The following CRACD variants were observed in gnomAD, a reference collection of about 807,000 sequenced individuals.
CRACD encodes capping protein inhibiting regulator of actin dynamics.
CRACD carries 56 observed loss-of-function variants against 106.8 expected under a neutral mutation model. The ratio of observed to expected loss-of-function variants is 0.52; its 90% CI spans 0.42 to 0.66. The LOEUF (loss-of-function observed/expected upper bound fraction) is 0.66, where lower values mean the gene tolerates loss of function less well. Among genes scored for constraint, CRACD ranks in the 30% least tolerant of loss-of-function variants. CRACD has a pLI of 0.00. For missense variants in CRACD, 1,730 were observed against 1,623.2 expected (o/e 1.07, Z -1.13); for synonymous variants, 754 against 670.8 (o/e 1.12, Z -1.92).
At chr4:56,273,323 T>TCCTTCCTTCCTCCCTC (rs1742475820) in intron 3 of CRACD, among the ~76,000 whole-genome samples, 1 of 151,592 alleles carries the variant, frequency 6.6e-6, no homozygotes, top group Non-Finnish European at 1.5e-5. Context: ...CTTCCTTCCT[T>TCCTTCCTTCCTCCCTC]CCTTCCTTCC....
At chr4:56,233,657 C>T (rs1260281039) in intron 2 of CRACD, among the ~76,000 whole-genome samples, 3 of 152,078 alleles carry the variant, frequency 2.0e-5, no homozygotes, top group African/African-American at 7.2e-5. Flanking sequence ...TTTTGTTCAT[C>T]TTTTAAAAAC....
At chr4:56,248,708 A>G (rs1228180949) in intron 2 of CRACD, among the ~76,000 whole-genome samples, 10 of 142,570 alleles carry the variant, frequency 7.0e-5, no homozygotes, top group African/African-American at 1.8e-4. Context: ...TATATCTCCC[A>G]AAGCTATCCC....
intron 2 of CRACD, among the ~76,000 whole-genome samples, chr4:56,206,656 C>T (rs1738135312): frequency 6.6e-6 from 1 of 152,102 alleles, no homozygotes; most frequent in African/African-American, 2.4e-5. Flanking sequence ...AACGTGAGTC[C>T]ATTTTGGTTT....
intron 3 of CRACD, among the ~76,000 whole-genome samples, chr4:56,276,526 CATATA>C (rs1267577874): frequency 6.6e-6 from 1 of 152,104 alleles, no homozygotes; most frequent in Non-Finnish European, 1.5e-5. Flanking sequence ...TAGGTGAACT[CATATA>C]ATATTTACCA....
chr4:56,241,177 C>T (rs1028799458), intron 2 of CRACD, among the ~76,000 whole-genome samples: 3 of 152,174 alleles, frequency 2.0e-5, no homozygotes, highest in South Asian at 2.1e-4. Flanking sequence ...TTATTCAGTA[C>T]AGGGCTTGTG....
chr4:56,119,879 T>G (rs1734427603), intron 1 of CRACD, among the ~76,000 whole-genome samples: 1 of 152,176 alleles, frequency 6.6e-6, no homozygotes, highest in Non-Finnish European at 1.5e-5. Context: ...GCTCCATACT[T>G]TGTTGATGAC....
At chr4:56,093,788 G>T (rs1462524586) in intron 1 of CRACD, among the ~76,000 whole-genome samples, 1 of 152,154 alleles carries the variant, frequency 6.6e-6, no homozygotes, top group African/African-American at 2.4e-5. Flanking sequence ...TTCTGGCCCA[G>T]GGCAATTTTA....
At chr4:56,158,016 A>G (rs1735819666) in intron 1 of CRACD, among the ~76,000 whole-genome samples, 1 of 152,132 alleles carries the variant, frequency 6.6e-6, no homozygotes, top group Admixed American at 6.6e-5. Context: ...TTTTGCTGTT[A>G]TTTGGTTACA....
At chr4:56,073,681 T>C (rs1420699202) in intron 1 of CRACD, among the ~76,000 whole-genome samples, 1 of 152,216 alleles carries the variant, frequency 6.6e-6, no homozygotes, top group Non-Finnish European at 1.5e-5. Context: ...ATAGTTTCTT[T>C]TACTGTACAG....
At chr4:56,071,032 T>C (rs966235272) in intron 1 of CRACD, among the ~76,000 whole-genome samples, 12 of 152,328 alleles carry the variant, frequency 7.9e-5, no homozygotes, top group Non-Finnish European at 8.8e-5. Context: ...TTTGCCATCA[T>C]TGACTACCTT....
intron 1 of CRACD, among the ~76,000 whole-genome samples, chr4:56,065,263 T>C (rs895844957): frequency 3.9e-5 from 6 of 151,998 alleles, no homozygotes; most frequent in Admixed American, 3.9e-4. Flanking sequence ...AATTTTTGTA[T>C]TTTTAGTAGA....
At chr4:56,071,827 A>C (rs192294057) in intron 1 of CRACD, among the ~76,000 whole-genome samples, 219 of 151,490 alleles carry the variant, frequency 1.4e-3, no homozygotes, top group Non-Finnish European at 2.1e-3. Flanking sequence ...TTTTATACTT[A>C]TAAAAGTTTC....
At chr4:56,174,317 T>G (rs1736495416) in intron 1 of CRACD, among the ~76,000 whole-genome samples, 2 of 152,214 alleles carry the variant, frequency 1.3e-5, no homozygotes, top group Non-Finnish European at 2.9e-5. Context: ...TCAAATCCTG[T>G]CCTCCAGCTA....
intron 10 of CRACD, among the ~76,000 whole-genome samples, chr4:56,325,181 A>G (rs1043707091): frequency 5.9e-5 from 9 of 152,136 alleles, no homozygotes; most frequent in African/African-American, 2.2e-4. Flanking sequence ...CTAAAAATAC[A>G]AAAATTAGCC....
intron 1 of CRACD, among the ~76,000 whole-genome samples, chr4:56,125,143 T>C (rs1734616894): frequency 6.6e-6 from 1 of 152,226 alleles, no homozygotes; most frequent in Admixed American, 6.5e-5. Flanking sequence ...TGGGACCATG[T>C]GACTATCTTT....
intron 4 of CRACD, among the ~76,000 whole-genome samples, chr4:56,306,516 C>G (rs1744715341): frequency 9.0e-6 from 1 of 111,434 alleles, no homozygotes; most frequent in Non-Finnish European, 2.1e-5. Flanking sequence ...GTGTCTCAAA[C>G]AAACAAACAA....
chr4:56,280,799 A>G (rs1403895609), intron 3 of CRACD, among the ~76,000 whole-genome samples: 1 of 152,232 alleles, frequency 6.6e-6, no homozygotes, highest in African/African-American at 2.4e-5. Flanking sequence ...ATGAGACTTC[A>G]TGTTACCAAT....
intron 4 of CRACD, among the ~76,000 whole-genome samples, chr4:56,306,500 G>A (rs943204183): frequency 3.3e-5 from 5 of 150,590 alleles, no homozygotes; most frequent in African/African-American, 1.2e-4. Context: ...GCAACAGAGC[G>A]AGACCGTGTC....
chr4:56,105,483 A>G (rs1389930702), intron 1 of CRACD, among the ~76,000 whole-genome samples: 1 of 152,216 alleles, frequency 6.6e-6, no homozygotes, highest in Non-Finnish European at 1.5e-5. Context: ...TGGGCAACAG[A>G]ATGAGACATA....
Sources: allele counts gnomAD v4.1 joint callset (sites outside exome capture counted in the v4.1 genomes callset), GRCh38; gene constraint gnomAD v4.1.1; transcripts MANE v1.5; gene names NCBI Gene and HGNC (gene_info 2026-07-23, HGNC 2026-07-21).